ST6GALNAC3: variants seen among roughly 807,000 people sequenced by gnomAD.
ST6GALNAC3 encodes the protein alpha-N-acetylgalactosaminide alpha-2,6-sialyltransferase 3.
Under a neutral mutation model 32.7 loss-of-function variants are expected in ST6GALNAC3, and 25 were observed. The observed-to-expected ratio is 0.76, with a 90% confidence interval of 0.56 to 1.07. The LOEUF (loss-of-function observed/expected upper bound fraction) is 1.07. Ranked by LOEUF, ST6GALNAC3 falls within the 50% of genes least tolerant of loss-of-function variation. ST6GALNAC3 has a pLI of 0.00. For missense variants in ST6GALNAC3, 355 were observed against 382.4 expected (o/e 0.93, Z 0.60); for synonymous variants, 129 against 133.1 (o/e 0.97, Z 0.21).
At position 76,513,153 on chromosome 1, in the gene ST6GALNAC3, T is replaced by A. The variant is rs549904217; in HGVS notation, c.623+100736T>A. ...TAAGTTTGACATAATTCTATTTGTC[T>A]ATTTTTGCTTTTGTGTCCTATGCTT... is the stretch of plus-strand genomic sequence containing the variant. On this transcript the variant is annotated intron_variant, in intron 3 of 4. Transcript: ENST00000328299. 7.4e-4 allele frequency among the ~76,000 whole-genome samples: 112 copies of A among 152,280 alleles called. 1 individual carries two copies. In the Middle Eastern group the frequency reaches 0.01, roughly 14 times the overall value.
intron 1 of ST6GALNAC3, among the ~76,000 whole-genome samples, chr1:76,177,102 T>C (rs1570321215): frequency 6.6e-6 from 1 of 152,146 alleles, no homozygotes; most frequent in Non-Finnish European, 1.5e-5. Context: ...GAAAAGAAGG[T>C]TAAGATAGTA....
At chr1:76,227,304 C>T (rs1278354195) in intron 1 of ST6GALNAC3, among the ~76,000 whole-genome samples, 1 of 152,114 alleles carries the variant, frequency 6.6e-6, no homozygotes, top group East Asian at 1.9e-4. Flanking sequence ...CTTTTCTGGT[C>T]CTTTGAGCAA....
At chr1:76,156,153 G>A (rs189566540) in intron 1 of ST6GALNAC3, among the ~76,000 whole-genome samples, 1 of 152,222 alleles carries the variant, frequency 6.6e-6, no homozygotes, top group African/African-American at 2.4e-5. Context: ...AGAGGAAGAA[G>A]GCAGAGAGAA....
intron 3 of ST6GALNAC3, among the ~76,000 whole-genome samples, chr1:76,604,910 C>A (rs1461890560): frequency 6.6e-6 from 1 of 152,104 alleles, no homozygotes; most frequent in Non-Finnish European, 1.5e-5. Context: ...TCTTTATTTT[C>A]TCTAATCCTT....
At chr1:76,194,567 T>G (rs540961744) in intron 1 of ST6GALNAC3, among the ~76,000 whole-genome samples, 1 of 152,288 alleles carries the variant, frequency 6.6e-6, no homozygotes, top group East Asian at 1.9e-4. Flanking sequence ...ATAAAAAATT[T>G]AAGACATTTA....
At chr1:76,456,802 A>C (rs938765714) in intron 3 of ST6GALNAC3, among the ~76,000 whole-genome samples, 2 of 152,204 alleles carry the variant, frequency 1.3e-5, no homozygotes, top group Admixed American at 1.3e-4. Flanking sequence ...CAAGACAGGG[A>C]TGCCCTCTCT....
intron 1 of ST6GALNAC3, among the ~76,000 whole-genome samples, chr1:76,101,735 A>C (rs1194428104): frequency 2.0e-5 from 3 of 152,138 alleles, no homozygotes; most frequent in Non-Finnish European, 4.4e-5. Flanking sequence ...TTTTAGATGA[A>C]ATCATTTTAT....
intron 3 of ST6GALNAC3, among the ~76,000 whole-genome samples, chr1:76,579,876 A>G (rs567339141): frequency 6.6e-6 from 1 of 152,178 alleles, no homozygotes; most frequent in East Asian, 1.9e-4. Flanking sequence ...TATATGCTTT[A>G]TCTCTTTTTG....
intron 1 of ST6GALNAC3, among the ~76,000 whole-genome samples, chr1:76,240,870 C>T (rs1656921360): frequency 6.6e-6 from 1 of 152,202 alleles, no homozygotes; most frequent in Non-Finnish European, 1.5e-5. Flanking sequence ...ACTGAGATCG[C>T]TGGAAAAACC....
intron 2 of ST6GALNAC3, among the ~76,000 whole-genome samples, chr1:76,337,089 G>A (rs1327228746): frequency 2.0e-5 from 3 of 152,208 alleles, no homozygotes; most frequent in Admixed American, 1.3e-4. Flanking sequence ...AGGAGGAATG[G>A]TGGGTCCCTT....
intron 1 of ST6GALNAC3, chr1:76,143,006 G>A (rs12064337): frequency 3.2e-5 from 11 of 339,246 alleles, no homozygotes; most frequent in Non-Finnish European, 6.4e-5. Context: ...GCAAAGGAGG[G>A]ATTACTTTCT....
intron 3 of ST6GALNAC3, among the ~76,000 whole-genome samples, chr1:76,451,539 C>A (rs1211819784): frequency 6.6e-6 from 1 of 152,204 alleles, no homozygotes; most frequent in Non-Finnish European, 1.5e-5. Context: ...AATCATATCA[C>A]CATCCATCAG....
intron 1 of ST6GALNAC3, among the ~76,000 whole-genome samples, chr1:76,272,143 T>C (rs1274230408): frequency 9.9e-5 from 15 of 151,750 alleles, no homozygotes; most frequent in Admixed American, 9.8e-4. Context: ...CTGGCCAATA[T>C]GGTGAAATCC....
rs536402645 is a variant in ST6GALNAC3 at position 76,279,853 on chromosome 1, T to C, written c.19-33952T>C. 3.3e-5 allele frequency among the ~76,000 whole-genome samples: 5 copies of C among 152,322 alleles called. No individual in the cohort carries two copies. The East Asian group carries it at 9.6e-4, about 29-fold the overall frequency. On this transcript the variant is annotated intron_variant, in intron 1 of 4. Coordinates refer to ENST00000328299, the MANE Select transcript of ST6GALNAC3 (RefSeq NM_152996.4). ...TAAAACTTAGTAGAGATCCTCTTTA[T>C]AGATGCAACTTGAGAAACAGCGCAC...
intron 3 of ST6GALNAC3, among the ~76,000 whole-genome samples, chr1:76,522,667 AG>A (rs1472126925): frequency 6.6e-6 from 1 of 152,212 alleles, no homozygotes; most frequent in African/African-American, 2.4e-5. Flanking sequence ...TATGCCAACT[AG>A]GTTAGGCTGA....
Position 76,401,462 on chromosome 1 carries a change from G to A in ST6GALNAC3, c.214-10546G>A, listed in dbSNP as rs78457326. Among the ~76,000 whole-genome samples the A allele has an allele frequency of 1.3e-3, 198 of 152,164 alleles. 4 individuals are homozygous for A. The East Asian group carries it at 0.033, about 26-fold the overall frequency. On this transcript the variant is annotated intron_variant, in intron 2 of 4. Coordinates refer to ENST00000328299, the MANE Select transcript of ST6GALNAC3 (RefSeq NM_152996.4). ...ATTGAACATCGTAAACATTGTTTTA[G>A]TCTATATCCTGTAATTCCGTATGTG...
At chr1:76,204,498 T>A (rs759240569) in intron 1 of ST6GALNAC3, among the ~76,000 whole-genome samples, 3 of 152,284 alleles carry the variant, frequency 2.0e-5, no homozygotes, top group Non-Finnish European at 4.4e-5. Context: ...TGGAACTGGG[T>A]GCTCTGGGAG....
chr1:76,137,277 C>A (rs1650004022), intron 1 of ST6GALNAC3, among the ~76,000 whole-genome samples: 1 of 152,138 alleles, frequency 6.6e-6, no homozygotes, highest in Admixed American at 6.5e-5. Context: ...AGATTCTTGC[C>A]CCGATTTTCA....
rs1649247561 is a variant in ST6GALNAC3 at position 76,630,624 on chromosome 1, G to A, written c.*1818G>A. ...GAAGCACTTGTAGGTCTTTACTAGTGCTAAGTATTATGGTGAGCTATCATT... is the reference window on the plus strand; with the variant it reads ...GAAGCACTTGTAGGTCTTTACTAGTACTAAGTATTATGGTGAGCTATCATT... On this transcript the variant is annotated 3_prime_UTR_variant, in exon 5 of 5. Coordinates refer to ENST00000328299, the MANE Select transcript of ST6GALNAC3 (RefSeq NM_152996.4). 1.0e-6 allele frequency: 1 copy of A among 985,470 alleles called. No individual in the cohort carries two copies. Among genetic ancestry groups the A allele is most frequent in the Admixed American group, 6.2e-5 (1 of 16,202 alleles). 61.0% of individuals were successfully genotyped at this position (985,470 alleles called of 1,614,324 possible).
Sources: gnomAD v4.1 joint callset for allele counts (sites outside exome capture counted in the v4.1 genomes callset) on GRCh38, gnomAD v4.1.1 for gene constraint, MANE v1.5 for transcripts, NCBI Gene and HGNC (gene_info 2026-07-23, HGNC 2026-07-21) for gene names.